PHF2: variants seen among roughly 807,000 people sequenced by gnomAD.
The protein encoded by PHF2 is PHD finger protein 2, also known as lysine-specific demethylase PHF2.
PHF2 carries 27 observed loss-of-function variants against 120.5 expected under a neutral mutation model. The ratio of observed to expected loss-of-function variants is 0.22; its 90% CI spans 0.17 to 0.31. The LOEUF (loss-of-function observed/expected upper bound fraction) is 0.31, where lower values mean the gene tolerates loss of function less well. Ranked by LOEUF, PHF2 falls within the 10% of genes least tolerant of loss-of-function variation. PHF2 has a pLI of 1.00. For synonymous variants in PHF2, 568 were observed against 592.5 expected, an observed-to-expected ratio of 0.96 and a Z score of 0.60; for missense variants, 1,024 against 1,434.8, an observed-to-expected ratio of 0.71 and a Z score of 4.63.
intron 3 of PHF2, among the ~76,000 whole-genome samples, chr9:93,640,995 C>G (rs746665166): frequency 6.6e-6 from 1 of 152,136 alleles, no homozygotes; most frequent in Non-Finnish European, 1.5e-5. Context: ...GTCTGCAGCT[C>G]TCTCAGTTAT....
At chr9:93,645,925 T>A in intron 4 of PHF2, 136 bp downstream of exon 4, 1 of 990,000 alleles carries the variant, frequency 1.0e-6, no homozygotes, top group African/African-American at 1.6e-5. Context: ...AGGCTCACCG[T>A]ACTCTGTTCC....
rs1826455842 is a variant in PHF2, at chr9:93,656,140, ACATGACCGT to A, written c.1040+122_1040+130del. ...CACAGCCCGCCTGTGGGTGGCCTGG[ACATGACCGT>A]CAGCCTCGGTGGGCCTCTTTGTGAT... On this transcript the variant is annotated intron_variant, in intron 8 of 21. Transcript: ENST00000359246. This position sits in a 1 kb window ranked among gnomAD's most constrained non-coding sequence, Gnocchi z 4.1. The A allele has an allele frequency of 1.3e-5, 10 of 780,006 alleles. No individual in the cohort carries two copies. The highest frequency in any genetic ancestry group is 1.9e-5 in the Non-Finnish European group (9 of 471,780). 48.3% of individuals were successfully genotyped at this position (780,006 alleles called of 1,614,324 possible). A position where few individuals can be genotyped will look rare whatever the true frequency, so the allele number is the denominator to read the frequency against.
At chr9:93,580,940 G>A (rs1862919707) in intron 1 of PHF2, among the ~76,000 whole-genome samples, 1 of 152,162 alleles carries the variant, frequency 6.6e-6, no homozygotes, top group African/African-American at 2.4e-5. Context: ...GAGGTTGGGA[G>A]AAGGTTAGGG....
Position 93,587,129 on chromosome 9 carries a change from T to C in PHF2, c.98+10258T>C, listed in dbSNP as rs145695173. ...GGGAGGCATGGAGTATAGGGCAAGA[T>C]GGAGAGAGGCCAGAGACTAGTTAGG... On this transcript the variant is annotated intron_variant, in intron 1 of 21. Transcript: ENST00000359246. Among the ~76,000 whole-genome samples the C allele has an allele frequency of 5.1e-3, 769 of 152,144 alleles. 6 individuals carry two copies. Among genetic ancestry groups the C allele is most frequent in the Admixed American group, 9.4e-3 (144 of 15,296 alleles).
At chr9:93,632,316 G>A (rs932618098) in intron 2 of PHF2, among the ~76,000 whole-genome samples, 8 of 152,210 alleles carry the variant, frequency 5.3e-5, no homozygotes, top group Non-Finnish European at 1.0e-4. Context: ...GCCCCTGCCT[G>A]GCTGTACACA....
At chr9:93,633,447 G>C (rs1198321932) in intron 2 of PHF2, among the ~76,000 whole-genome samples, 2 of 152,200 alleles carry the variant, frequency 1.3e-5, no homozygotes, top group Non-Finnish European at 2.9e-5. Flanking sequence ...TTTTCTTGTT[G>C]AACTGACTTT....
chr9:93,592,030 A>G (rs1825237153), intron 1 of PHF2, among the ~76,000 whole-genome samples: 1 of 152,036 alleles, frequency 6.6e-6, no homozygotes, highest in Admixed American at 6.5e-5. Context: ...GTGTTTGTGC[A>G]TTTCACTCTT....
intron 1 of PHF2, among the ~76,000 whole-genome samples, chr9:93,611,825 A>G (rs1012283536): frequency 6.6e-5 from 10 of 152,202 alleles, no homozygotes; most frequent in African/African-American, 1.9e-4. Context: ...AGGATTAAAA[A>G]TATTCTTTAA....
intron 17 of PHF2, chr9:93,671,114 G>GCCGTAT (rs1826776343): frequency 1.1e-6 from 1 of 944,096 alleles, no homozygotes. Context: ...AGGTGGGGGT[G>GCCGTAT]CATGTGTGGG....
At position 93,649,138 on chromosome 9, in the gene PHF2, G is replaced by A. The variant is rs1476485557; in HGVS notation, c.528G>A (p.Glu176=). 1.3e-6 allele frequency: 2 copies of A among 1,547,966 alleles called. No individual in the cohort carries two copies. The highest frequency in any genetic ancestry group is 1.7e-6 in the Non-Finnish European group (2 of 1,145,056). ...KQKDCKMKLK[E]FVDYYYSTNR... ...AGGACTGCAAGATGAAGCTGAAGGA[G>A]TTTGTGGACTATTACTACAGCACCA... Residue 176 remains glutamate (E), a synonymous_variant, in exon 5 of 22, where the codon GAG becomes GAA. Transcript: ENST00000359246.
chr9:93,577,949 C>A (rs1472777081), intron 1 of PHF2, among the ~76,000 whole-genome samples: 1 of 152,184 alleles, frequency 6.6e-6, no homozygotes, highest in Non-Finnish European at 1.5e-5. Flanking sequence ...CTCTGGGGCT[C>A]CAGTCCCAAA....
At chr9:93,659,870 C>G (rs935971992) in intron 11 of PHF2, among the ~76,000 whole-genome samples, 1 of 152,190 alleles carries the variant, frequency 6.6e-6, no homozygotes, top group Non-Finnish European at 1.5e-5. Flanking sequence ...GGAGGGCACT[C>G]TGTGGGAGGA....
intron 5 of PHF2, among the ~76,000 whole-genome samples, chr9:93,649,887 C>T (rs923837421): frequency 2.6e-5 from 4 of 151,652 alleles, no homozygotes; most frequent in South Asian, 4.2e-4. Flanking sequence ...TCAACACACT[C>T]GTGACACAAC....
At chr9:93,652,580 C>A (rs1281924863) in intron 5 of PHF2, among the ~76,000 whole-genome samples, 1 of 152,160 alleles carries the variant, frequency 6.6e-6, no homozygotes, top group Non-Finnish European at 1.5e-5. Flanking sequence ...TGTGAGCCAC[C>A]ATGCCCAGCC....
At chr9:93,641,974 G>A (rs1826178954) in intron 3 of PHF2, among the ~76,000 whole-genome samples, 1 of 152,114 alleles carries the variant, frequency 6.6e-6, no homozygotes, top group Non-Finnish European at 1.5e-5. Context: ...TCTGAGGTAG[G>A]AAGAACTTTA....
intron 6 of PHF2, among the ~76,000 whole-genome samples, chr9:93,653,745 G>A (rs891833927): frequency 1.3e-5 from 2 of 152,330 alleles, no homozygotes; most frequent in African/African-American, 4.8e-5. Flanking sequence ...GAGTGGGCAG[G>A]GAAGGCTAGG....
chr9:93,615,127 A>ATGGTGACAG (rs1825704360), intron 1 of PHF2, among the ~76,000 whole-genome samples: 1 of 150,380 alleles, frequency 6.6e-6, no homozygotes, highest in Non-Finnish European at 1.5e-5. Flanking sequence ...GATGGCGATG[A>ATGGTGACAG]TGATGGTGAT....
At chr9:93,655,290 T>TTTC (rs202052788) in intron 7 of PHF2, among the ~76,000 whole-genome samples, 1 of 151,212 alleles carries the variant, frequency 6.6e-6, no homozygotes, top group Non-Finnish European at 1.5e-5. Flanking sequence ...TTTTTTTTTT[T>TTTC]CATTTTAAAT....
chr9:93,629,974 G>T lies in PHF2; in HGVS notation c.103G>T (p.Val35Phe). ...GTCTATTTCGTCTCGTTTCAGCTGTGTTGGGGTGGAAGAGGAGGAGGCGCC... is the reference window on the plus strand; with the variant it reads ...GTCTATTTCGTCTCGTTTCAGCTGTTTTGGGGTGGAAGAGGAGGAGGCGCC... Reference protein sequence around the residue: ...ACKDWFHGSCVGVEEEEAPDI... With the variant: ...ACKDWFHGSCFGVEEEEAPDI... The change falls in exon 2 of 22, where the codon GTT becomes TTT. Residue 35 changes from valine to phenylalanine, a missense_variant. Val to Phe is a conservative substitution (Grantham distance 50, BLOSUM62 -1). Transcript: ENST00000359246. 1 of 1,614,192 alleles carries T rather than the reference G, an allele frequency of 6.2e-7. No individual in the cohort carries two copies. The highest frequency in any genetic ancestry group is 8.5e-7 in the Non-Finnish European group (1 of 1,180,022).
Sources: allele counts gnomAD v4.1 joint callset (sites outside exome capture counted in the v4.1 genomes callset), GRCh38; gene constraint gnomAD v4.1.1; non-coding constraint Gnocchi (gnomAD v3.1); transcripts MANE v1.5; gene names NCBI Gene and HGNC (gene_info 2026-07-23, HGNC 2026-07-21).